CACNA1C: variants seen among roughly 807,000 people sequenced by gnomAD.
CACNA1C encodes the protein voltage-dependent L-type calcium channel subunit alpha-1C.
In CACNA1C, 30 loss-of-function variants were observed where a neutral mutation model predicts 229.0. The observed-to-expected ratio is 0.13, with a 90% confidence interval of 0.10 to 0.18. The LOEUF (loss-of-function observed/expected upper bound fraction) is 0.18, where lower values mean the gene tolerates loss of function less well. CACNA1C is among the 10% of genes least tolerant of loss of function. CACNA1C has a pLI of 1.00. For synonymous variants in CACNA1C, 1,114 were observed against 1,132.5 expected (o/e 0.98, Z 0.33); for missense variants, 1,658 against 2,845.0 (o/e 0.58, Z 9.49).
chr12:2,193,611 G>A (rs908363449), intron 3 of CACNA1C, among the ~76,000 whole-genome samples: 1 of 152,214 alleles, frequency 6.6e-6, no homozygotes, highest in African/African-American at 2.4e-5. Context: ...AAGGGCCTTG[G>A]GTTGGAACCC....
intron 1 of CACNA1C, among the ~76,000 whole-genome samples, chr12:2,044,764 G>A (rs1401340606): frequency 6.6e-6 from 1 of 152,126 alleles, no homozygotes; most frequent in African/African-American, 2.4e-5. Context: ...TATTGAGGTG[G>A]CCTGGTCCCA....
chr12:2,696,917 A>T lies in CACNA1C; in HGVS notation c.*5718A>T, dbSNP rs2097846479. 6.6e-6 allele frequency: 1 copy of T among 152,234 alleles called. No individual in the cohort carries two copies. Among genetic ancestry groups the T allele is most frequent in the African/African-American group, 2.4e-5 (1 of 41,456 alleles). 9.4% of individuals were successfully genotyped at this position (152,234 alleles called of 1,614,324 possible). A position where few individuals can be genotyped will look rare whatever the true frequency, so the allele number is the denominator to read the frequency against. On this transcript the variant is annotated 3_prime_UTR_variant, in exon 47 of 47. Coordinates refer to ENST00000399655, the MANE Select transcript of CACNA1C (RefSeq NM_000719.7). ...AGAGAAGTCTCTCCTGTAGAGTCACAAGAGAAGCAAAAGAGGGTGGGTCAC... is the reference window on the plus strand; with the variant it reads ...AGAGAAGTCTCTCCTGTAGAGTCACTAGAGAAGCAAAAGAGGGTGGGTCAC...
chr12:2,633,852 C>G lies in CACNA1C; in HGVS notation c.3829-445C>G. 1.6e-6 allele frequency: 1 copy of G among 619,472 alleles called. No homozygotes were observed. Among genetic ancestry groups the G allele is most frequent in the South Asian group, 2.1e-5 (1 of 48,200 alleles). 38.4% of individuals were successfully genotyped at this position (619,472 alleles called of 1,614,324 possible). A position where few individuals can be genotyped will look rare whatever the true frequency, so the allele number is the denominator to read the frequency against. Reference sequence around the variant, plus strand: ...CTGTTTTTACCCGCCTCCAGTCATGCCTTTTATTGAACCTGCCGTCGTCCT... The same window carrying G: ...CTGTTTTTACCCGCCTCCAGTCATGGCTTTTATTGAACCTGCCGTCGTCCT... On this transcript the variant is annotated intron_variant, in intron 29 of 46. Coordinates refer to ENST00000399655, the MANE Select transcript of CACNA1C (RefSeq NM_000719.7). The surrounding 1 kb of genome is among the most constrained non-coding windows in gnomAD (Gnocchi z 5.8).
At chr12:2,360,911 C>G (rs1012266093) in intron 3 of CACNA1C, among the ~76,000 whole-genome samples, 2 of 152,088 alleles carry the variant, frequency 1.3e-5, no homozygotes, top group Non-Finnish European at 2.9e-5. Context: ...CACTCGTCTC[C>G]AGCTAGCTCA....
intron 3 of CACNA1C, among the ~76,000 whole-genome samples, chr12:2,188,515 G>A (rs1034347982): frequency 6.6e-6 from 1 of 152,002 alleles, no homozygotes; most frequent in Non-Finnish European, 1.5e-5. Context: ...CAGTGAAAAA[G>A]CTTATAGGAT....
At position 2,287,402 on chromosome 12, in the gene CACNA1C, A is replaced by T. The variant is rs1158699313; in HGVS notation, c.478-161574A>T. Among the ~76,000 whole-genome samples, 2 of 152,120 alleles carry T rather than the reference A, an allele frequency of 1.3e-5. No homozygotes were observed. Among genetic ancestry groups the T allele is most frequent in the Admixed American group, 6.5e-5 (1 of 15,280 alleles). On this transcript the variant is annotated intron_variant, in intron 3 of 46. Transcript: ENST00000399655. The surrounding 1 kb of genome is among the most constrained non-coding windows in gnomAD (Gnocchi z 4.6). ...AGTTCCAGAGAAATGAGGGAATGAG[A>T]ATGAACGTGGCTGCTCGTGTGTTCC... is the stretch of plus-strand genomic sequence containing the variant.
At chr12:2,582,751 A>G in intron 14 of CACNA1C, 71 bp from the exon 15 acceptor site, 1 of 1,553,812 alleles carries the variant, frequency 6.4e-7, no homozygotes, top group Non-Finnish European at 8.8e-7. Context: ...GTAGTGGGGC[A>G]GGGCAGGGTG....
intron 3 of CACNA1C, among the ~76,000 whole-genome samples, chr12:2,311,144 G>A (rs141113014): frequency 0.011 from 1,637 of 152,250 alleles, 15 homozygotes; most frequent in Non-Finnish European, 0.019. Context: ...AGTAGTTTTG[G>A]GGGAAGCCAG....
chr12:2,591,161 C>A (rs2065125875), intron 18 of CACNA1C, among the ~76,000 whole-genome samples: 1 of 152,146 alleles, frequency 6.6e-6, no homozygotes, highest in South Asian at 2.1e-4. Flanking sequence ...AGCCTTGGGT[C>A]CCTAAATGCT....
Position 2,679,750 on chromosome 12 carries a change from C to A in CACNA1C, c.5398C>A (p.Pro1800Thr), listed in dbSNP as rs921032597. Reference protein sequence around the residue: ...TVEGHGPPLSPAIRVQEVAWK... With the variant: ...TVEGHGPPLSTAIRVQEVAWK... Reference sequence around the variant, plus strand: ...GGAGGGCCACGGGCCCCCCTTGTCCCCTGCCATCCGGGTGCAGGAGGTGGC... The same window carrying A: ...GGAGGGCCACGGGCCCCCCTTGTCCACTGCCATCCGGGTGCAGGAGGTGGC... Residue 1800 changes from proline (P) to threonine (T), a missense_variant, in exon 42 of 47, where the codon CCT becomes ACT. Physicochemically the swap from Pro to Thr is conservative, Grantham distance 38. Transcript: ENST00000399655. The surrounding 1 kb of genome is among the most constrained non-coding windows in gnomAD (Gnocchi z 5.5). 3 of 1,597,024 alleles carry A rather than the reference C, an allele frequency of 1.9e-6. No homozygotes were observed. The East Asian group carries it at 6.8e-5, about 36-fold the overall frequency.
chr12:2,689,106 AGGCCTGACTGCCC>A lies in CACNA1C; in HGVS notation c.6117+329_6117+341del, dbSNP rs1439738201. ...CAGACAGGCAAGATCCAAGGTGCTC[AGGCCTGACTGCCC>A]GTGAGCATCACCTGGGGAGCTTTGG... On this transcript the variant is annotated intron_variant, in intron 46 of 46. Transcript: ENST00000399655. This position sits in a 1 kb window ranked among gnomAD's most constrained non-coding sequence, Gnocchi z 4.2. Among the ~76,000 whole-genome samples, 2 of 152,184 alleles carry A rather than the reference AGGCCTGACTGCCC, an allele frequency of 1.3e-5. No individual in the cohort carries two copies. Among genetic ancestry groups the A allele is most frequent in the African/African-American group, 2.4e-5 (1 of 41,458 alleles).
chr12:2,071,102 C>A (rs1321420218), intron 1 of CACNA1C, among the ~76,000 whole-genome samples: 1 of 104,872 alleles, frequency 9.5e-6, no homozygotes, highest in East Asian at 2.6e-4. Context: ...TTCCTTCCTC[C>A]TTCCTTCCCT....
At chr12:2,374,200 C>T (rs1190929747) in intron 3 of CACNA1C, among the ~76,000 whole-genome samples, 1 of 152,278 alleles carries the variant, frequency 6.6e-6, no homozygotes, top group East Asian at 1.9e-4. Context: ...TGATTCATCT[C>T]TCTGCCTTCC....
chr12:2,374,845 G>A (rs949420681), intron 3 of CACNA1C, among the ~76,000 whole-genome samples: 4 of 152,206 alleles, frequency 2.6e-5, no homozygotes, highest in East Asian at 3.9e-4. Flanking sequence ...GCAGAAGCGC[G>A]TTTCCTCACT....
chr12:2,313,636 C>T (rs1294001599), intron 3 of CACNA1C, among the ~76,000 whole-genome samples: 1 of 152,150 alleles, frequency 6.6e-6, no homozygotes, highest in Non-Finnish European at 1.5e-5. Context: ...ACTGGCTTTT[C>T]CTGACTTAAA....
At chr12:2,113,413 G>T (rs2082536361) in intron 1 of CACNA1C, among the ~76,000 whole-genome samples, 1 of 152,176 alleles carries the variant, frequency 6.6e-6, no homozygotes, top group Non-Finnish European at 1.5e-5. Context: ...TTGGGGAGGT[G>T]GCTGGGAGAG....
At chr12:2,384,072 C>T (rs995692265) in intron 3 of CACNA1C, among the ~76,000 whole-genome samples, 1 of 152,214 alleles carries the variant, frequency 6.6e-6, no homozygotes, top group African/African-American at 2.4e-5. Flanking sequence ...AAGGACCACT[C>T]TGATTTTTAA....
chr12:2,216,087 G>C (rs1347997394), intron 3 of CACNA1C, among the ~76,000 whole-genome samples: 1 of 152,158 alleles, frequency 6.6e-6, no homozygotes, highest in Non-Finnish European at 1.5e-5. Context: ...AGACAGAACT[G>C]GGCAAAACCA....
At chr12:2,523,217 A>G (rs533782307) in intron 9 of CACNA1C, among the ~76,000 whole-genome samples, 1 of 152,112 alleles carries the variant, frequency 6.6e-6, no homozygotes, top group Admixed American at 6.5e-5. Flanking sequence ...TGATTCTGAG[A>G]ACTCTGTTTG....
Sources: gnomAD v4.1 joint callset for allele counts (sites outside exome capture counted in the v4.1 genomes callset) on GRCh38, gnomAD v4.1.1 for gene constraint, Gnocchi (gnomAD v3.1) non-coding constraint, MANE v1.5 for transcripts, NCBI Gene and HGNC (gene_info 2026-07-23, HGNC 2026-07-21) for gene names.